Variants in ZBTB20 observed in about 807,000 individuals in gnomAD.
ZBTB20 encodes zinc finger and BTB domain containing 20.
In ZBTB20, 9 loss-of-function variants were observed where a neutral mutation model predicts 56.9. The observed-to-expected ratio is 0.16, with a 90% CI of 0.10 to 0.28. The LOEUF is 0.28. Among genes scored for constraint, ZBTB20 ranks in the 10% least tolerant of loss-of-function variants. The probability of loss-of-function intolerance (pLI) is 1.00; values close to 1 mark genes in which losing one functional copy is unlikely to be tolerated. For synonymous variants in ZBTB20, 417 were observed against 420.7 expected, an observed-to-expected ratio of 0.99 and a Z score of 0.11; for missense variants, 655 against 1,003.0, an observed-to-expected ratio of 0.65 and a Z score of 4.69.
intron 5 of ZBTB20, chr3:114,758,982 C>T (rs577977889): frequency 2.0e-5 from 3 of 152,122 alleles, no homozygotes; most frequent in African/African-American, 7.2e-5. Flanking sequence ...TTCTAACCCT[C>T]GAGAATGTTA....
chr3:114,977,969 C>A (rs2078171672), intron 2 of ZBTB20, among the ~76,000 whole-genome samples: 1 of 147,948 alleles, frequency 6.8e-6, no homozygotes, highest in African/African-American at 2.5e-5. Context: ...CATGATCCTG[C>A]CACTGTACTC....
At chr3:114,876,188 G>A (rs2076187950) in intron 4 of ZBTB20, among the ~76,000 whole-genome samples, 1 of 151,426 alleles carries the variant, frequency 6.6e-6, no homozygotes, top group African/African-American at 2.4e-5. Flanking sequence ...GGTTACATGA[G>A]TAAGTTCTTT....
chr3:114,766,369 G>A (rs1433705392), intron 5 of ZBTB20, among the ~76,000 whole-genome samples: 2 of 152,040 alleles, frequency 1.3e-5, no homozygotes, highest in Non-Finnish European at 2.9e-5. Flanking sequence ...ACAAGAAGTT[G>A]AAAACATCTA....
intron 5 of ZBTB20, among the ~76,000 whole-genome samples, chr3:114,721,899 T>C (rs1306040117): frequency 6.6e-6 from 1 of 152,222 alleles, no homozygotes. Flanking sequence ...TGTACATTTG[T>C]TCCTAATGGT....
intron 2 of ZBTB20, among the ~76,000 whole-genome samples, chr3:115,062,777 G>C (rs189610729): frequency 6.6e-6 from 1 of 152,204 alleles, no homozygotes; most frequent in Admixed American, 6.5e-5. Context: ...ATTAGCTACA[G>C]ATGAATAGCT....
chr3:114,782,122 A>C (rs185375038), intron 5 of ZBTB20, among the ~76,000 whole-genome samples: 12 of 152,342 alleles, frequency 7.9e-5, no homozygotes, highest in Non-Finnish European at 2.9e-5. Context: ...GCTCTTCAGC[A>C]AGCAAATGCT....
intron 4 of ZBTB20, among the ~76,000 whole-genome samples, chr3:114,868,363 C>T (rs2075856224): frequency 6.6e-6 from 1 of 152,156 alleles, no homozygotes; most frequent in Non-Finnish European, 1.5e-5. Context: ...CTTTTCTGTA[C>T]TCTTAGTCTG....
chr3:114,362,689 T>G (rs1299233579), intron 10 of ZBTB20, among the ~76,000 whole-genome samples: 2 of 152,218 alleles, frequency 1.3e-5, no homozygotes, highest in Non-Finnish European at 2.9e-5. Context: ...TCTGTCTCCC[T>G]GATTCCATTT....
chr3:114,765,658 T>A (rs984800544), intron 5 of ZBTB20, among the ~76,000 whole-genome samples: 1 of 152,104 alleles, frequency 6.6e-6, no homozygotes, highest in African/African-American at 2.4e-5. Context: ...ACTAATACAA[T>A]AATGATTATC....
intron 4 of ZBTB20, among the ~76,000 whole-genome samples, chr3:114,834,704 G>C (rs72956287): frequency 0.016 from 2,494 of 152,044 alleles, 75 homozygotes; most frequent in African/African-American, 0.056. Flanking sequence ...GCTGCAAACT[G>C]TCTGGATGCC....
rs751024287 is a variant in ZBTB20 at position 114,969,098 on chromosome 3, C to T, written c.-456+5268G>A. Reference sequence around the variant, plus strand: ...TATGTCTCTAATATTTATTTATGTGCTTATTATATCTCCCTGTTAGACTAT... The same window carrying T: ...TATGTCTCTAATATTTATTTATGTGTTTATTATATCTCCCTGTTAGACTAT... On this transcript the variant is annotated intron_variant, in intron 3 of 11. Coordinates refer to ENST00000675478, the MANE Select transcript of ZBTB20 (RefSeq NM_001348800.3). Among the ~76,000 whole-genome samples the T allele has an allele frequency of 6.1e-4, 93 of 152,246 alleles. 1 individual carries two copies. The highest frequency in any genetic ancestry group is 5.0e-3 in the Admixed American group (77 of 15,288).
intron 7 of ZBTB20, among the ~76,000 whole-genome samples, chr3:114,392,731 C>T (rs1288260573): frequency 6.6e-6 from 1 of 152,144 alleles, no homozygotes; most frequent in Non-Finnish European, 1.5e-5. Context: ...AATGCATAGA[C>T]AATTGCCTCT....
intron 5 of ZBTB20, among the ~76,000 whole-genome samples, chr3:114,705,339 CA>C (rs1207122455): frequency 6.6e-6 from 1 of 152,184 alleles, no homozygotes. Context: ...GTATGCAGCA[CA>C]TGCCCTATAC....
intron 6 of ZBTB20, among the ~76,000 whole-genome samples, chr3:114,684,840 A>T (rs574944313): frequency 3.7e-4 from 57 of 152,142 alleles, no homozygotes; most frequent in African/African-American, 1.3e-3. Flanking sequence ...ATGAACACAC[A>T]TGTCTTCCCT....
rs2054111156 is a variant in ZBTB20, at chr3:114,576,787, A to G, written c.-294-76396T>C. On this transcript the variant is annotated intron_variant, in intron 6 of 11. Coordinates refer to ENST00000675478, the MANE Select transcript of ZBTB20 (RefSeq NM_001348800.3). ...AAGCTAAAAAGGTAATCACACATCA[A>G]AAAAGACAGAGAGTGAGAGTGAGAA... 3.4e-4 allele frequency among the ~76,000 whole-genome samples: 7 copies of G among 20,826 alleles called. No individual in the cohort carries two copies. The Admixed American group carries it at 5.8e-3, about 17-fold the overall frequency. The allele number at this position is 20,826 out of a possible 152,430, so 13.7% of individuals were successfully genotyped here.
chr3:114,403,523 A>G (rs1192357482), intron 7 of ZBTB20, among the ~76,000 whole-genome samples: 7 of 151,998 alleles, frequency 4.6e-5, no homozygotes, highest in Non-Finnish European at 1.0e-4. Context: ...CTGGAACTCT[A>G]GAAACTTCAA....
intron 3 of ZBTB20, among the ~76,000 whole-genome samples, chr3:114,920,738 T>C (rs150023555): frequency 3.1e-4 from 47 of 152,090 alleles, no homozygotes; most frequent in African/African-American, 1.1e-3. Context: ...AATAAGGATA[T>C]ATTAAAAATT....
intron 5 of ZBTB20, among the ~76,000 whole-genome samples, chr3:114,799,219 ATC>A (rs1299595225): frequency 6.6e-6 from 1 of 151,948 alleles, no homozygotes; most frequent in Admixed American, 6.6e-5. Context: ...TCAGAGCATC[ATC>A]TACCCTGGAA....
chr3:114,880,315 T>A (rs683748), intron 4 of ZBTB20, among the ~76,000 whole-genome samples: 141,365 of 152,176 alleles, frequency 0.93, 65,830 homozygotes, highest in East Asian at 1. Context: ...AGCCTGAGGC[T>A]GCCTGCAACA....
Sources: gnomAD v4.1 joint callset for allele counts (sites outside exome capture counted in the v4.1 genomes callset) on GRCh38, gnomAD v4.1.1 for gene constraint, MANE v1.5 for transcripts, NCBI Gene and HGNC (gene_info 2026-07-23, HGNC 2026-07-21) for gene names.